Variants in PCDH9 observed in about 807,000 individuals in gnomAD.
The protein encoded by PCDH9 is protocadherin 9.
In PCDH9, 24 loss-of-function variants were observed where a neutral mutation model predicts 70.6. The observed-to-expected ratio is 0.34, with a 90% CI of 0.25 to 0.48. PCDH9 has a LOEUF of 0.48. PCDH9 is among the 20% of genes least tolerant of loss of function. PCDH9 has a pLI of 0.99. For synonymous variants in PCDH9, 562 were observed against 558.5 expected, an observed-to-expected ratio of 1.01 and a Z score of -0.09; for missense variants, 1,281 against 1,503.6, an observed-to-expected ratio of 0.85 and a Z score of 2.45.
At chr13:67,035,629 G>C (rs1234991678) in intron 2 of PCDH9, among the ~76,000 whole-genome samples, 1 of 149,768 alleles carries the variant, frequency 6.7e-6, no homozygotes, top group East Asian at 1.9e-4. Flanking sequence ...ATTTTGACTT[G>C]TTAAAAAAAA....
chr13:66,822,018 C>T (rs2080719633), intron 3 of PCDH9, among the ~76,000 whole-genome samples: 1 of 151,976 alleles, frequency 6.6e-6, no homozygotes, highest in Admixed American at 6.6e-5. Flanking sequence ...GATGCCTCAA[C>T]CTATATCAGG....
chr13:66,542,810 T>C lies in PCDH9; in HGVS notation c.3340+88400A>G, dbSNP rs556914136. ...TTAAATATATGTATATATAAATATA[T>C]ATATCTATCTCCCATTGGTTCTGAT... On this transcript the variant is annotated intron_variant, in intron 4 of 4. Transcript: ENST00000377865. Among the ~76,000 whole-genome samples, 3 of 147,996 alleles carry C rather than the reference T, an allele frequency of 2.0e-5. No individual in the cohort carries two copies. In the Admixed American group the frequency reaches 2.0e-4, roughly 10 times the overall value.
intron 4 of PCDH9, among the ~76,000 whole-genome samples, chr13:66,474,704 T>C (rs956698081): frequency 2.6e-5 from 4 of 152,200 alleles, no homozygotes; most frequent in South Asian, 2.1e-4. Flanking sequence ...ATGGCTACAA[T>C]TGAAATGTAA....
At chr13:66,423,886 T>C (rs760145066) in intron 4 of PCDH9, among the ~76,000 whole-genome samples, 1 of 152,034 alleles carries the variant, frequency 6.6e-6, no homozygotes, top group Non-Finnish European at 1.5e-5. Context: ...GGAAGTCAAA[T>C]TGTCTGTTTG....
At chr13:66,898,816 A>T (rs1292437886) in intron 3 of PCDH9, among the ~76,000 whole-genome samples, 1 of 151,988 alleles carries the variant, frequency 6.6e-6, no homozygotes, top group Admixed American at 6.6e-5. Flanking sequence ...TCCATTTGGT[A>T]TTATTTAAAC....
At chr13:66,740,690 C>A (rs1156303674) in intron 3 of PCDH9, among the ~76,000 whole-genome samples, 2 of 151,848 alleles carry the variant, frequency 1.3e-5, no homozygotes, top group African/African-American at 4.8e-5. Context: ...ATACAAACTA[C>A]CATCAGAGAA....
At chr13:66,912,706 ATATT>A (rs1200407695) in intron 2 of PCDH9, among the ~76,000 whole-genome samples, 1 of 151,922 alleles carries the variant, frequency 6.6e-6, no homozygotes, top group African/African-American at 2.4e-5. Context: ...ATTAATACAA[ATATT>A]TATTTATAAA....
At chr13:66,488,635 T>A (rs1958985275) in intron 4 of PCDH9, among the ~76,000 whole-genome samples, 1 of 152,106 alleles carries the variant, frequency 6.6e-6, no homozygotes, top group East Asian at 1.9e-4. Context: ...TGTGATCAAA[T>A]AATATGTATT....
At chr13:66,845,569 C>A (rs2081193515) in intron 3 of PCDH9, among the ~76,000 whole-genome samples, 1 of 152,142 alleles carries the variant, frequency 6.6e-6, no homozygotes, top group Non-Finnish European at 1.5e-5. Flanking sequence ...ATCCTGCCTG[C>A]TCCCGGCCCC....
chr13:66,771,031 T>C (rs2079799167), intron 3 of PCDH9, among the ~76,000 whole-genome samples: 1 of 152,196 alleles, frequency 6.6e-6, no homozygotes, highest in Non-Finnish European at 1.5e-5. Flanking sequence ...GGCTATTATG[T>C]TCCACTATGT....
chr13:66,937,701 T>C (rs1237461504), intron 2 of PCDH9, among the ~76,000 whole-genome samples: 1 of 152,190 alleles, frequency 6.6e-6, no homozygotes, highest in Non-Finnish European at 1.5e-5. Flanking sequence ...CCAGTGACCA[T>C]ACTTCAACCA....
intron 3 of PCDH9, among the ~76,000 whole-genome samples, chr13:66,848,931 A>C (rs2081262309): frequency 6.7e-6 from 1 of 150,186 alleles, no homozygotes; most frequent in East Asian, 2.0e-4. Flanking sequence ...CCGTCTCAAA[A>C]AAAAAAAAAA....
chr13:66,465,288 G>T (rs1337409626), intron 4 of PCDH9, among the ~76,000 whole-genome samples: 1 of 151,782 alleles, frequency 6.6e-6, no homozygotes, highest in Non-Finnish European at 1.5e-5. Context: ...AATATTTTTA[G>T]CAAGTCCAGA....
chr13:66,335,331 C>T (rs1413464602), intron 4 of PCDH9, among the ~76,000 whole-genome samples: 2 of 152,054 alleles, frequency 1.3e-5, no homozygotes, highest in South Asian at 2.1e-4. Flanking sequence ...CTCTTAAAAT[C>T]GAGCTTGCTC....
At chr13:67,170,203 G>T (rs1185133043) in intron 2 of PCDH9, among the ~76,000 whole-genome samples, 1 of 152,102 alleles carries the variant, frequency 6.6e-6, no homozygotes, top group Non-Finnish European at 1.5e-5. Context: ...ATTTGTATTT[G>T]AATGTAATGC....
intron 3 of PCDH9, among the ~76,000 whole-genome samples, chr13:66,707,881 C>T (rs1452058973): frequency 2.0e-5 from 3 of 152,246 alleles, no homozygotes; most frequent in Admixed American, 1.3e-4. Flanking sequence ...GCACTTTTTG[C>T]TCATCTTAGA....
chr13:67,033,860 A>G (rs954338107), intron 2 of PCDH9, among the ~76,000 whole-genome samples: 9 of 152,226 alleles, frequency 5.9e-5, no homozygotes, highest in African/African-American at 2.2e-4. Context: ...CAAGTTAGCA[A>G]TGGTAAACAA....
chr13:67,160,416 G>A (rs950736553), intron 2 of PCDH9, among the ~76,000 whole-genome samples: 6 of 152,002 alleles, frequency 3.9e-5, no homozygotes, highest in African/African-American at 1.2e-4. Context: ...GCGTGGTGGC[G>A]GGCGCCTGTA....
rs1411418493 is a variant in PCDH9 at position 66,303,841 on chromosome 13, T to C, written c.*814A>G. On this transcript the variant is annotated 3_prime_UTR_variant, in exon 5 of 5. Coordinates refer to ENST00000377865, the MANE Select transcript of PCDH9 (RefSeq NM_203487.3). ...TTTTGTATAAAGTTTTCATTTTTTC[T>C]TTCATCTTTATTGTTTACAGAATTC... is the stretch of plus-strand genomic sequence containing the variant. 1 of 152,122 alleles carries C rather than the reference T, an allele frequency of 6.6e-6. No individual in the cohort carries two copies. Among genetic ancestry groups the C allele is most frequent in the Non-Finnish European group, 1.5e-5 (1 of 67,994 alleles). The allele number at this position is 152,122 out of a possible 1,614,324, so 9.4% of individuals were successfully genotyped here.
Sources: gnomAD v4.1 joint callset for allele counts (sites outside exome capture counted in the v4.1 genomes callset) on GRCh38, gnomAD v4.1.1 for gene constraint, MANE v1.5 for transcripts, NCBI Gene and HGNC (gene_info 2026-07-23, HGNC 2026-07-21) for gene names.